Variants in HMCN1 observed in about 807,000 individuals in gnomAD.
HMCN1 encodes hemicentin-1.
A neutral mutation model predicts 625.9 loss-of-function variants in HMCN1; 321 were observed. That is an observed-to-expected ratio of 0.51 (90% CI 0.47 to 0.56). The LOEUF (loss-of-function observed/expected upper bound fraction) is 0.56. Among genes scored for constraint, HMCN1 ranks in the 20% least tolerant of loss-of-function variants. HMCN1 has a pLI of 0.00. For missense variants in HMCN1, 6,588 were observed against 6,887.3 expected (o/e 0.96, Z 1.54); for synonymous variants, 2,425 against 2,417.6 (o/e 1.00, Z -0.09).
chr1:185,745,747 C>G (rs1406409065), intron 1 of HMCN1, among the ~76,000 whole-genome samples: 1 of 152,148 alleles, frequency 6.6e-6, no homozygotes, highest in Admixed American at 6.5e-5. Context: ...CTCCAGGTAT[C>G]ACTCCTCAAC....
At chr1:186,090,991 G>C (rs1160618817) in intron 64 of HMCN1, 74 bp downstream of exon 64, 1 of 1,443,592 alleles carries the variant, frequency 6.9e-7, no homozygotes, top group Non-Finnish European at 9.7e-7. Context: ...AATTTCACAT[G>C]AATAATAATA....
intron 1 of HMCN1, among the ~76,000 whole-genome samples, chr1:185,827,562 C>T (rs1415175618): frequency 6.6e-6 from 1 of 151,272 alleles, no homozygotes; most frequent in Non-Finnish European, 1.5e-5. Context: ...GGAAAGTGAG[C>T]AAAATGAAAG....
intron 1 of HMCN1, among the ~76,000 whole-genome samples, chr1:185,750,088 A>G (rs569630211): frequency 1.3e-5 from 2 of 152,306 alleles, no homozygotes; most frequent in East Asian, 3.9e-4. Context: ...GGTTGTCTTT[A>G]GAGATGATGT....
chr1:186,050,960 A>G (rs1241277852), intron 42 of HMCN1, among the ~76,000 whole-genome samples: 1 of 152,046 alleles, frequency 6.6e-6, no homozygotes, highest in Non-Finnish European at 1.5e-5. Context: ...AAAGCATATG[A>G]GACACGTTTA....
chr1:185,959,116 T>C (rs1649833448), intron 11 of HMCN1, among the ~76,000 whole-genome samples: 1 of 152,186 alleles, frequency 6.6e-6, no homozygotes, highest in Non-Finnish European at 1.5e-5. Context: ...TGGTGACAAA[T>C]ATTGCTAATT....
intron 1 of HMCN1, among the ~76,000 whole-genome samples, chr1:185,785,259 AT>A (rs1395926394): frequency 6.6e-6 from 1 of 152,126 alleles, no homozygotes; most frequent in Non-Finnish European, 1.5e-5. Flanking sequence ...TTAGTGGAAA[AT>A]TTGGGATTTT....
intron 57 of HMCN1, 27 bp downstream of exon 57, chr1:186,082,988 GTT>G: frequency 7.3e-7 from 1 of 1,363,514 alleles, no homozygotes; most frequent in Non-Finnish European, 1.0e-6. Flanking sequence ...AAAACCATCT[GTT>G]AGGGTATGCT....
At chr1:185,921,250 G>C (rs903408883) in intron 6 of HMCN1, among the ~76,000 whole-genome samples, 1 of 152,094 alleles carries the variant, frequency 6.6e-6, no homozygotes, top group Admixed American at 6.6e-5. Flanking sequence ...CATGATGATG[G>C]GTTTTTTTCT....
At chr1:185,865,683 A>T in intron 3 of HMCN1, 58 bp from the exon 4 acceptor site, 1 of 1,476,862 alleles carries the variant, frequency 6.8e-7, no homozygotes, top group Non-Finnish European at 9.4e-7. Context: ...GTCAATACAC[A>T]TATTTTTTTA....
Position 185,903,584 on chromosome 1 carries a change from A to G in HMCN1, c.622-5753A>G, listed in dbSNP as rs376651994. Reference sequence around the variant, plus strand: ...TACTATTGTTAAAACTCACTGTAGAATTTTCTAAATTAAATAGGTACACAA... The same window carrying G: ...TACTATTGTTAAAACTCACTGTAGAGTTTTCTAAATTAAATAGGTACACAA... On this transcript the variant is annotated intron_variant, in intron 4 of 106. Coordinates refer to ENST00000271588, the MANE Select transcript of HMCN1 (RefSeq NM_031935.3). 9.2e-5 allele frequency among the ~76,000 whole-genome samples: 14 copies of G among 151,790 alleles called. 1 individual carries two copies. The South Asian group carries it at 2.3e-3, about 25-fold the overall frequency.
rs114798821 is a variant in HMCN1, at chr1:185,736,290, T to C, written c.268+1243T>C. Among the ~76,000 whole-genome samples the C allele has an allele frequency of 6.6e-3, 1,012 of 152,280 alleles. 8 individuals carry two copies. Among genetic ancestry groups the C allele is most frequent in the Middle Eastern group, 0.027 (8 of 294 alleles). On this transcript the variant is annotated intron_variant, in intron 1 of 106. Transcript: ENST00000271588. ...CATACACATACATACATTACATATA[T>C]GTAATTACATATATTTGTAATTTCT...
chr1:185,906,845 C>G (rs1178706876), intron 4 of HMCN1, among the ~76,000 whole-genome samples: 1 of 151,428 alleles, frequency 6.6e-6, no homozygotes, highest in Non-Finnish European at 1.5e-5. Context: ...TGTTTACTTT[C>G]TCTCCTTTGC....
At chr1:185,832,842 G>T (rs575711086) in intron 1 of HMCN1, among the ~76,000 whole-genome samples, 10 of 152,218 alleles carry the variant, frequency 6.6e-5, no homozygotes, top group African/African-American at 2.4e-4. Flanking sequence ...GAAAGTTTTT[G>T]CAACTTACAT....
At chr1:185,870,137 G>A (rs1663519303) in intron 4 of HMCN1, among the ~76,000 whole-genome samples, 1 of 151,290 alleles carries the variant, frequency 6.6e-6, no homozygotes, top group African/African-American at 2.4e-5. Flanking sequence ...AAGCATCAGT[G>A]GTCTATAAAT....
At chr1:186,139,533 A>G (rs1649819709) in intron 89 of HMCN1, among the ~76,000 whole-genome samples, 1 of 151,846 alleles carries the variant, frequency 6.6e-6, no homozygotes, top group East Asian at 1.9e-4. Context: ...ATGTTGAGTA[A>G]CTATTCGCCT....
At position 186,039,720 on chromosome 1, in the gene HMCN1, T is replaced by A. The variant is rs780352382; in HGVS notation, c.6029-8T>A. The A allele has an allele frequency of 6.2e-7, 1 of 1,613,250 alleles. No homozygotes were observed. Among genetic ancestry groups the A allele is most frequent in the Admixed American group, 1.7e-5 (1 of 59,950 alleles). On this transcript the variant is annotated splice_polypyrimidine_tract_variant and splice_region_variant and intron_variant, in intron 38 of 106. Coordinates refer to ENST00000271588, the MANE Select transcript of HMCN1 (RefSeq NM_031935.3). ...TTAACGTGTCTTACTTTCATTTGTTTTTTTCAGTGGCCCCATCAATTTCTG... is the reference window on the plus strand; with the variant it reads ...TTAACGTGTCTTACTTTCATTTGTTATTTTCAGTGGCCCCATCAATTTCTG...
intron 11 of HMCN1, among the ~76,000 whole-genome samples, chr1:185,950,290 T>C (rs1486955201): frequency 3.5e-4 from 53 of 150,294 alleles, no homozygotes; most frequent in Non-Finnish European, 5.9e-4. Flanking sequence ...AGAAAATAGA[T>C]TTTGGAAGTT....
intron 11 of HMCN1, 42 bp from the exon 12 acceptor site, chr1:185,962,476 A>G (rs1384888356): frequency 4.4e-6 from 7 of 1,574,450 alleles, no homozygotes; most frequent in Non-Finnish European, 6.1e-6. Context: ...TAACATCAAG[A>G]TAAATTGGCA....
chr1:186,152,754 A>C lies in HMCN1; in HGVS notation c.14901A>C (p.Glu4967Asp). 1 of 1,613,860 alleles carries C rather than the reference A, an allele frequency of 6.2e-7. No homozygotes were observed. The highest frequency in any genetic ancestry group is 8.5e-7 in the Non-Finnish European group (1 of 1,179,770). Residue 4967 changes from glutamate (E) to aspartate (D), a missense_variant, in exon 96 of 107, where the codon GAA becomes GAC. This residue lies in a region of HMCN1 where 1,954 missense variants were observed against 2,013.1 expected (regional missense o/e 0.97). Transcript: ENST00000271588. ...RETQVEFATG[E>D]ILQMSHIARG... ...TGAATGTCTTGTAATTCCCAGGAGA[A>C]ATCTTGCAGATGAGTCATATTGCCC...
Sources: gnomAD v4.1 joint callset for allele counts (sites outside exome capture counted in the v4.1 genomes callset) on GRCh38, gnomAD v4.1.1 for gene constraint, gnomAD v4.1.1 regional missense constraint, MANE v1.5 for transcripts, NCBI Gene and HGNC (gene_info 2026-07-23, HGNC 2026-07-21) for gene names.